Variants in SLC44A1 observed in about 807,000 individuals in gnomAD.
SLC44A1 encodes the protein choline transporter-like protein 1.
SLC44A1 carries 26 observed loss-of-function variants against 79.3 expected under a neutral mutation model. The ratio of observed to expected loss-of-function variants is 0.33; its 90% CI spans 0.24 to 0.46. The LOEUF (loss-of-function observed/expected upper bound fraction) is 0.46, where lower values mean the gene tolerates loss of function less well. SLC44A1 is among the 20% of genes least tolerant of loss of function. The pLI is 1.00. For synonymous variants in SLC44A1, 263 were observed against 286.2 expected, an observed-to-expected ratio of 0.92 and a Z score of 0.82; for missense variants, 688 against 798.1, an observed-to-expected ratio of 0.86 and a Z score of 1.66.
chr9:105,321,497 C>T (rs1826391626), intron 3 of SLC44A1, among the ~76,000 whole-genome samples: 1 of 152,004 alleles, frequency 6.6e-6, no homozygotes. Context: ...TTTTTAATAG[C>T]ACTATTTTAA....
At chr9:105,386,908 G>A (rs568596018) in intron 15 of SLC44A1, among the ~76,000 whole-genome samples, 68 of 146,562 alleles carry the variant, frequency 4.6e-4, no homozygotes, top group African/African-American at 1.6e-3. Flanking sequence ...GCATGGCGGC[G>A]TGTGCCTATA....
chr9:105,376,330 CACACACACACACACACACACT>C (rs1329640604), intron 13 of SLC44A1, among the ~76,000 whole-genome samples: 13 of 140,356 alleles, frequency 9.3e-5, no homozygotes, highest in East Asian at 1.9e-4. Context: ...CACACACACA[CACACACACACACACACACACT>C]ACACACACAC....
chr9:105,408,631 G>A (rs376305669), intron 15 of SLC44A1, among the ~76,000 whole-genome samples: 5 of 152,220 alleles, frequency 3.3e-5, no homozygotes, highest in South Asian at 4.1e-4. Context: ...GGCTGGTCTC[G>A]AACTCCTGAC....
intron 1 of SLC44A1, among the ~76,000 whole-genome samples, chr9:105,263,680 C>T (rs1220353433): frequency 3.3e-5 from 5 of 151,804 alleles, no homozygotes; most frequent in South Asian, 2.1e-4. Context: ...GGATTACAGG[C>T]ACCCGCCACC....
chr9:105,337,119 T>A (rs934840543), intron 4 of SLC44A1, among the ~76,000 whole-genome samples: 9 of 152,112 alleles, frequency 5.9e-5, no homozygotes, highest in African/African-American at 2.2e-4. Context: ...AGCCTCAACA[T>A]TATAAGGTTT....
chr9:105,361,743 T>C (rs557954884), intron 8 of SLC44A1, among the ~76,000 whole-genome samples: 1 of 152,350 alleles, frequency 6.6e-6, no homozygotes, highest in African/African-American at 2.4e-5. Flanking sequence ...CATTTAACTT[T>C]ATGGCGTTAT....
intron 5 of SLC44A1, among the ~76,000 whole-genome samples, chr9:105,353,310 A>G (rs1398102044): frequency 6.6e-6 from 1 of 152,152 alleles, no homozygotes; most frequent in Non-Finnish European, 1.5e-5. Flanking sequence ...AAATGTTTGA[A>G]AGGTTAAGTT....
In SLC44A1 at chr9:105,259,339, C is replaced by T. The variant is rs116225209; in HGVS notation, c.36+14435C>T. Among the ~76,000 whole-genome samples the T allele has an allele frequency of 9.3e-3, 1,421 of 152,152 alleles. 16 individuals are homozygous for T. The highest frequency in any genetic ancestry group is 0.031 in the African/African-American group (1,299 of 41,532). ...TCAGTCTTTGGAGATTCATGGCCTTCGAAAGGGTTAATATAATTGATGCTT... is the reference window on the plus strand; with the variant it reads ...TCAGTCTTTGGAGATTCATGGCCTTTGAAAGGGTTAATATAATTGATGCTT... On this transcript the variant is annotated intron_variant, in intron 1 of 15. Coordinates refer to ENST00000374720, the MANE Select transcript of SLC44A1 (RefSeq NM_080546.5).
chr9:105,413,781 A>G (rs1829129231), intron 15 of SLC44A1, among the ~76,000 whole-genome samples: 1 of 152,216 alleles, frequency 6.6e-6, no homozygotes, highest in South Asian at 2.1e-4. Flanking sequence ...AATGTGAGGA[A>G]GACTTCCTAA....
chr9:105,275,011 A>G (rs978593944), intron 1 of SLC44A1, among the ~76,000 whole-genome samples: 2 of 152,244 alleles, frequency 1.3e-5, no homozygotes, highest in African/African-American at 4.8e-5. Flanking sequence ...ATGTGGACCC[A>G]TGTGAAGTTT....
intron 2 of SLC44A1, among the ~76,000 whole-genome samples, chr9:105,305,994 T>C (rs1831021360): frequency 6.6e-6 from 1 of 152,148 alleles, no homozygotes; most frequent in African/African-American, 2.4e-5. Flanking sequence ...AGTTGGTACT[T>C]ATGAGTTGCC....
intron 8 of SLC44A1, among the ~76,000 whole-genome samples, chr9:105,361,761 A>C (rs576570082): frequency 1.3e-3 from 204 of 152,340 alleles, no homozygotes; most frequent in African/African-American, 4.7e-3. Context: ...TATTTCAAAA[A>C]TATAGGTGTG....
At chr9:105,284,487 A>T (rs1830431066) in intron 1 of SLC44A1, among the ~76,000 whole-genome samples, 1 of 152,034 alleles carries the variant, frequency 6.6e-6, no homozygotes, top group Non-Finnish European at 1.5e-5. Context: ...GTTATATTTT[A>T]GTTGTCTGCA....
chr9:105,247,740 T>A (rs1405254744), intron 1 of SLC44A1, among the ~76,000 whole-genome samples: 1 of 152,224 alleles, frequency 6.6e-6, no homozygotes, highest in Admixed American at 6.5e-5. Flanking sequence ...TACTTAATAG[T>A]TGCTCAGCAG....
chr9:105,373,433 G>A (rs1409823884), intron 12 of SLC44A1, among the ~76,000 whole-genome samples: 2 of 152,096 alleles, frequency 1.3e-5, no homozygotes, highest in Non-Finnish European at 2.9e-5. Context: ...AAAAAAATCA[G>A]TCTGTGACTA....
chr9:105,365,484 G>A lies in SLC44A1; in HGVS notation c.1255G>A (p.Asp419Asn), dbSNP rs1469098395. The A allele has an allele frequency of 2.5e-6, 4 of 1,610,002 alleles. No homozygotes were observed. The highest frequency in any genetic ancestry group is 3.4e-6 in the Non-Finnish European group (4 of 1,177,486). The change falls in exon 11 of 16, where the codon GAT becomes AAT. Residue 419 changes from aspartate (D) to asparagine (N), a missense_variant and splice_region_variant. By Grantham distance (23) the Asp-to-Asn change is conservative. Transcript: ENST00000374720. The part of the protein sequence containing the change: ...GAVVTYYFTR[D>N]KRNLPFTPIL... ...TCTTTTTGGTCATTTTTTAAATAGG[G>A]ATAAAAGGAATTTGCCATTTACACC... is the stretch of plus-strand genomic sequence containing the variant.
intron 15 of SLC44A1, among the ~76,000 whole-genome samples, chr9:105,433,328 G>C (rs898699697): frequency 6.6e-6 from 1 of 151,774 alleles, no homozygotes; most frequent in Non-Finnish European, 1.5e-5. Context: ...AAAAACTTTC[G>C]CAAATCAGTA....
At chr9:105,334,566 T>C (rs1252200669) in intron 3 of SLC44A1, among the ~76,000 whole-genome samples, 1 of 152,184 alleles carries the variant, frequency 6.6e-6, no homozygotes, top group Non-Finnish European at 1.5e-5. Flanking sequence ...AAACTTCCTA[T>C]GGACTCAGTG....
chr9:105,245,119 G>A (rs1481409194), intron 1 of SLC44A1, among the ~76,000 whole-genome samples: 1 of 151,938 alleles, frequency 6.6e-6, no homozygotes, highest in Non-Finnish European at 1.5e-5. Flanking sequence ...GCCTCTGCGC[G>A]GCGCCTAGTG....
Sources: allele counts gnomAD v4.1 joint callset (sites outside exome capture counted in the v4.1 genomes callset), GRCh38; gene constraint gnomAD v4.1.1; transcripts MANE v1.5; gene names NCBI Gene and HGNC (gene_info 2026-07-23, HGNC 2026-07-21).